ANKRD12: variants seen among roughly 807,000 people sequenced by gnomAD.
ANKRD12 encodes ankyrin repeat domain-containing protein 12.
A neutral mutation model predicts 183.4 loss-of-function variants in ANKRD12; 85 were observed. That is an observed-to-expected ratio of 0.46 (90% CI 0.39 to 0.56). ANKRD12 has a LOEUF of 0.56. ANKRD12 is among the 20% of genes least tolerant of loss of function. ANKRD12 has a pLI of 0.00. For synonymous variants in ANKRD12, 914 were observed against 800.2 expected, an observed-to-expected ratio of 1.14 and a Z score of -2.40; for missense variants, 2,405 against 2,357.1, an observed-to-expected ratio of 1.02 and a Z score of -0.42.
chr18:9,161,716 C>T lies in ANKRD12; in HGVS notation c.-51-20666C>T, dbSNP rs994368908. 5.3e-5 allele frequency among the ~76,000 whole-genome samples: 8 copies of T among 151,000 alleles called. No individual in the cohort carries two copies. The South Asian group carries it at 6.3e-4, about 12-fold the overall frequency. On this transcript the variant is annotated intron_variant, in intron 1 of 12. Transcript: ENST00000262126. Reference sequence around the variant, plus strand: ...TAGAAAAAAGAATTGTGTATAGTTACGGGGTACTATGTGATATGTTGATGT... The same window carrying T: ...TAGAAAAAAGAATTGTGTATAGTTATGGGGTACTATGTGATATGTTGATGT...
At chr18:9,165,695 CT>C (rs1455956304) in intron 1 of ANKRD12, among the ~76,000 whole-genome samples, 10 of 152,062 alleles carry the variant, frequency 6.6e-5, no homozygotes, top group South Asian at 2.1e-4. Context: ...AATTTCCCTC[CT>C]TTTTTTATTT....
chr18:9,191,899 C>G (rs1395706413), intron 2 of ANKRD12, among the ~76,000 whole-genome samples: 1 of 152,194 alleles, frequency 6.6e-6, no homozygotes, highest in Admixed American at 6.5e-5. Flanking sequence ...TACCCCAGAA[C>G]CCACTGAAAT....
chr18:9,216,436 T>C (rs376372460), intron 6 of ANKRD12, among the ~76,000 whole-genome samples: 2 of 152,368 alleles, frequency 1.3e-5, no homozygotes, highest in African/African-American at 2.4e-5. Flanking sequence ...AAACTGTTCA[T>C]GTTACTGGTA....
At chr18:9,167,480 T>C (rs2032201017) in intron 1 of ANKRD12, among the ~76,000 whole-genome samples, 1 of 152,204 alleles carries the variant, frequency 6.6e-6, no homozygotes, top group Non-Finnish European at 1.5e-5. Context: ...TTTGAAGCAA[T>C]TGTGAATGGG....
At chr18:9,271,934 A>G (rs2039622286) in intron 10 of ANKRD12, among the ~76,000 whole-genome samples, 1 of 152,174 alleles carries the variant, frequency 6.6e-6, no homozygotes, top group Admixed American at 6.5e-5. Flanking sequence ...TCAAATTAAG[A>G]GCAACGCTGT....
In ANKRD12 at chr18:9,256,146, A is replaced by G. The variant is rs780653084; in HGVS notation, c.2879A>G (p.Lys960Arg). The change falls in exon 9 of 13, where the codon AAA becomes AGA. Residue 960 changes from lysine (K) to arginine (R), a missense_variant. By Grantham distance (26) the Lys-to-Arg change is conservative. Around this residue, in one of 7 missense-constraint regions of ANKRD12, gnomAD observed 1,983 missense variants for 1,725.9 expected, o/e 1.15. Transcript: ENST00000262126. The stretch of plus-strand genomic sequence containing the variant: ...AAAGAAAAAGACAGGGAGCTAGATA[A>G]AAAGGAAAAATCTAGAGATAAAGAA... ...KNKEKDRELD[K>R]KEKSRDKESI... 3 of 1,558,630 alleles carry G rather than the reference A, an allele frequency of 1.9e-6. No individual in the cohort carries two copies. The highest frequency in any genetic ancestry group is 2.6e-6 in the Non-Finnish European group (3 of 1,162,992).
In ANKRD12 at chr18:9,169,429, T is replaced by G. The variant is rs192898233; in HGVS notation, c.-51-12953T>G. Among the ~76,000 whole-genome samples the G allele has an allele frequency of 6.6e-3, 1,011 of 152,318 alleles. 8 individuals carry two copies. The highest frequency in any genetic ancestry group is 0.017 in the Middle Eastern group (5 of 294). On this transcript the variant is annotated intron_variant, in intron 1 of 12. Transcript: ENST00000262126. ...GGTGCATATATATTTAGGATAGTTA[T>G]CTCTTCTTGTTGAATTGATCGCTTT...
intron 3 of ANKRD12, among the ~76,000 whole-genome samples, chr18:9,196,663 A>G (rs904153379): frequency 3.3e-5 from 5 of 152,214 alleles, no homozygotes; most frequent in South Asian, 2.1e-4. Flanking sequence ...CATGTAGTGT[A>G]TGCTTTTGGT....
At position 9,222,018 on chromosome 18, in the gene ANKRD12, A is replaced by T; in HGVS notation, c.943+19A>T. ...TACACAGGTTTGTTTCAGATAATCT[A>T]CATTCATCTGTTCGTTTGACATGAT... On this transcript the variant is annotated intron_variant, in intron 8 of 12. Coordinates refer to ENST00000262126, the MANE Select transcript of ANKRD12 (RefSeq NM_015208.5). 1 of 1,611,830 alleles carries T rather than the reference A, an allele frequency of 6.2e-7. No individual in the cohort carries two copies. The highest frequency in any genetic ancestry group is 8.5e-7 in the Non-Finnish European group (1 of 1,178,860).
chr18:9,227,805 G>T (rs1452763291), intron 8 of ANKRD12, among the ~76,000 whole-genome samples: 2 of 152,064 alleles, frequency 1.3e-5, no homozygotes, highest in African/African-American at 4.8e-5. Context: ...TTATATGTTG[G>T]TATCATTTCA....
chr18:9,150,017 G>T (rs559803566), intron 1 of ANKRD12, among the ~76,000 whole-genome samples: 1 of 151,824 alleles, frequency 6.6e-6, no homozygotes, highest in Non-Finnish European at 1.5e-5. Context: ...GGCTGGTCTC[G>T]ACCTCCTGAC....
chr18:9,173,891 TAAG>T (rs942146415), intron 1 of ANKRD12, among the ~76,000 whole-genome samples: 8 of 152,200 alleles, frequency 5.3e-5, no homozygotes, highest in Admixed American at 1.3e-4. Context: ...AAAAAAATAA[TAAG>T]AAGAAGAAAG....
intron 2 of ANKRD12, among the ~76,000 whole-genome samples, chr18:9,192,726 G>A (rs2144358495): frequency 6.7e-6 from 1 of 150,366 alleles, no homozygotes; most frequent in Middle Eastern, 3.4e-3. Flanking sequence ...TTTAGAGACA[G>A]GGTCTTGCTC....
intron 8 of ANKRD12, among the ~76,000 whole-genome samples, chr18:9,222,623 C>T (rs753729327): frequency 3.3e-5 from 5 of 152,152 alleles, no homozygotes; most frequent in East Asian, 3.9e-4. Context: ...GCTGTTTCCT[C>T]GTAAAATCTT....
chr18:9,257,910 C>G lies in ANKRD12; in HGVS notation c.4643C>G (p.Thr1548Ser), dbSNP rs1170358224. The change falls in exon 9 of 13, where the codon ACT becomes AGT. Residue 1548 changes from threonine to serine, a missense_variant. Thr to Ser is a moderately conservative substitution (Grantham distance 58). Transcript: ENST00000262126. ...DNESTKDTEN[T>S]FVLGDVQKTD... The stretch of plus-strand genomic sequence containing the variant: ...GAATCTACAAAAGATACAGAAAATA[C>G]TTTTGTCCTAGGAGATGTTCAAAAA... 2 of 1,613,900 alleles carry G rather than the reference C, an allele frequency of 1.2e-6. No individual in the cohort carries two copies. Among genetic ancestry groups the G allele is most frequent in the Non-Finnish European group, 1.7e-6 (2 of 1,179,924 alleles).
chr18:9,258,073 A>T lies in ANKRD12; in HGVS notation c.4806A>T (p.Thr1602=), dbSNP rs780919546. ...NGSDASTQLN[T]HYAFSKLTYK... Reference sequence around the variant, plus strand: ...GTGATGCCTCTACCCAGCTAAATACACATTATGCATTTAGCAAACTAACTT... The same window carrying T: ...GTGATGCCTCTACCCAGCTAAATACTCATTATGCATTTAGCAAACTAACTT... The change falls in exon 9 of 13, where the codon ACA becomes ACT. Residue 1602 remains threonine, a synonymous_variant. Coordinates refer to ENST00000262126, the MANE Select transcript of ANKRD12 (RefSeq NM_015208.5). The T allele has an allele frequency of 5.6e-6, 9 of 1,613,220 alleles. No homozygotes were observed. The highest frequency in any genetic ancestry group is 7.6e-6 in the Non-Finnish European group (9 of 1,179,960).
At chr18:9,262,459 A>G (rs1461128166) in intron 9 of ANKRD12, among the ~76,000 whole-genome samples, 1 of 151,956 alleles carries the variant, frequency 6.6e-6, no homozygotes, top group Non-Finnish European at 1.5e-5. Flanking sequence ...TTTTGTTTTT[A>G]GTTTTGTTTT....
At chr18:9,248,764 T>TA (rs1447212084) in intron 8 of ANKRD12, among the ~76,000 whole-genome samples, 1 of 152,218 alleles carries the variant, frequency 6.6e-6, no homozygotes. Flanking sequence ...AAGCGCAAGC[T>TA]ATATGATAGC....
chr18:9,176,408 A>G (rs1314463115), intron 1 of ANKRD12, among the ~76,000 whole-genome samples: 4 of 151,982 alleles, frequency 2.6e-5, no homozygotes, highest in Non-Finnish European at 5.9e-5. Flanking sequence ...TTCCCACCTC[A>G]GCCTCCCCAG....
Sources: allele counts gnomAD v4.1 joint callset (sites outside exome capture counted in the v4.1 genomes callset), GRCh38; gene constraint gnomAD v4.1.1; regional missense constraint gnomAD v4.1.1; transcripts MANE v1.5; gene names NCBI Gene and HGNC (gene_info 2026-07-23, HGNC 2026-07-21).